Variants in RBFOX1 observed in about 807,000 individuals in gnomAD.
RBFOX1 encodes RNA binding protein fox-1 homolog 1.
In RBFOX1, 8 loss-of-function variants were observed where a neutral mutation model predicts 57.7. That is an observed-to-expected ratio of 0.14 (90% confidence interval 0.08 to 0.25). RBFOX1 has a LOEUF of 0.25. Ranked by LOEUF, RBFOX1 falls within the 10% of genes least tolerant of loss-of-function variation. RBFOX1 has a pLI of 1.00. For missense variants in RBFOX1, 611 were observed against 548.5 expected, an observed-to-expected ratio of 1.11 and a Z score of -1.14; for synonymous variants, 326 against 222.4, an observed-to-expected ratio of 1.47 and a Z score of -4.15.
chr16:7,124,175 T>G (rs142405524), intron 4 of RBFOX1, among the ~76,000 whole-genome samples: 2 of 152,318 alleles, frequency 1.3e-5, no homozygotes, highest in East Asian at 3.9e-4. Context: ...GGCTCACATC[T>G]GTAATGACAG....
intron 3 of RBFOX1, among the ~76,000 whole-genome samples, chr16:5,827,564 T>C (rs1196287804): frequency 6.6e-6 from 1 of 152,052 alleles, no homozygotes; most frequent in East Asian, 1.9e-4. Flanking sequence ...AGTAACTGTT[T>C]TAGGCTTTCT....
chr16:6,013,040 T>C (rs2094971019), intron 4 of RBFOX1, among the ~76,000 whole-genome samples: 1 of 152,136 alleles, frequency 6.6e-6, no homozygotes, highest in South Asian at 2.1e-4. Context: ...ACTATTAATA[T>C]GTTAATTATA....
intron 1 of RBFOX1, among the ~76,000 whole-genome samples, chr16:6,211,382 C>A (rs2097296993): frequency 6.6e-6 from 1 of 151,970 alleles, no homozygotes; most frequent in Non-Finnish European, 1.5e-5. Flanking sequence ...GTGCCCACCA[C>A]CACACCCGGC....
chr16:6,845,524 G>C (rs1036116874), intron 3 of RBFOX1, among the ~76,000 whole-genome samples: 1 of 152,128 alleles, frequency 6.6e-6, no homozygotes, highest in Non-Finnish European at 1.5e-5. Flanking sequence ...TCTGTGTTCT[G>C]TTCCGTTGGT....
chr16:7,710,025 C>A (rs961962286), intron 15 of RBFOX1: 1 of 1,006,586 alleles, frequency 9.9e-7, no homozygotes, highest in South Asian at 4.3e-5. Flanking sequence ...GCCATTAAAA[C>A]CATGGCCGGA....
At chr16:5,789,255 A>G (rs937523057) in intron 3 of RBFOX1, among the ~76,000 whole-genome samples, 13 of 152,184 alleles carry the variant, frequency 8.5e-5, no homozygotes, top group African/African-American at 2.9e-4. Flanking sequence ...GTATGAATTA[A>G]TTATAATTTC....
At chr16:5,592,642 T>C (rs754284334) in intron 2 of RBFOX1, among the ~76,000 whole-genome samples, 54 of 152,244 alleles carry the variant, frequency 3.5e-4, no homozygotes, top group Middle Eastern at 3.4e-3. Context: ...AAAAATCTAT[T>C]TTATTATGTT....
intron 2 of RBFOX1, among the ~76,000 whole-genome samples, chr16:5,565,284 C>A (rs1053921305): frequency 7.2e-5 from 11 of 152,050 alleles, no homozygotes; most frequent in African/African-American, 2.7e-4. Flanking sequence ...TGTGCACGTG[C>A]GTGCGTGTGT....
intron 2 of RBFOX1, among the ~76,000 whole-genome samples, chr16:6,540,060 G>T (rs1026454749): frequency 1.3e-5 from 2 of 152,170 alleles, no homozygotes; most frequent in South Asian, 2.1e-4. Flanking sequence ...AGGGCCTCAC[G>T]TGACTTGACT....
At chr16:7,094,767 T>TGTGTGG (rs2061419661) in intron 4 of RBFOX1, among the ~76,000 whole-genome samples, 1 of 140,894 alleles carries the variant, frequency 7.1e-6, no homozygotes, top group Non-Finnish European at 1.6e-5. Flanking sequence ...TGTGTGTGTG[T>TGTGTGG]GTGTGTGTGG....
chr16:7,034,781 A>G (rs942925943), intron 3 of RBFOX1, among the ~76,000 whole-genome samples: 3 of 142,158 alleles, frequency 2.1e-5, no homozygotes, highest in Admixed American at 7.1e-5. Flanking sequence ...AGAAAATGCA[A>G]TTTCTAATTC....
At chr16:6,847,202 T>A (rs951614329) in intron 3 of RBFOX1, among the ~76,000 whole-genome samples, 1 of 152,192 alleles carries the variant, frequency 6.6e-6, no homozygotes, top group East Asian at 1.9e-4. Flanking sequence ...ATATTGGTCA[T>A]TTAATACTGC....
chr16:5,643,864 C>G (rs182469189), intron 3 of RBFOX1, among the ~76,000 whole-genome samples: 1 of 152,160 alleles, frequency 6.6e-6, no homozygotes, highest in East Asian at 1.9e-4. Context: ...ACCCTGCACA[C>G]GCATAAACAG....
chr16:7,253,578 C>G (rs528996462), intron 4 of RBFOX1, among the ~76,000 whole-genome samples: 33 of 152,314 alleles, frequency 2.2e-4, no homozygotes, highest in African/African-American at 7.9e-4. Flanking sequence ...GATGTCTCCT[C>G]TGTCTGAATG....
intron 3 of RBFOX1, among the ~76,000 whole-genome samples, chr16:6,856,452 T>C (rs547614532): frequency 7.8e-4 from 119 of 152,278 alleles, no homozygotes; most frequent in African/African-American, 2.7e-3. Context: ...CAGGACCACC[T>C]GAGCCACTGA....
intron 4 of RBFOX1, among the ~76,000 whole-genome samples, chr16:5,942,298 T>C (rs938671976): frequency 9.9e-5 from 15 of 152,142 alleles, no homozygotes; most frequent in Non-Finnish European, 2.1e-4. Flanking sequence ...GTGCTGCTTA[T>C]TGGTTAGGAA....
chr16:6,530,882 C>T (rs1282525883), intron 2 of RBFOX1, among the ~76,000 whole-genome samples: 2 of 152,038 alleles, frequency 1.3e-5, no homozygotes, highest in Non-Finnish European at 2.9e-5. Context: ...AGATATAATT[C>T]AAGATGAGAT....
chr16:6,262,430 C>T (rs573574950), intron 1 of RBFOX1, among the ~76,000 whole-genome samples: 165 of 152,084 alleles, frequency 1.1e-3, no homozygotes, highest in Non-Finnish European at 1.8e-3. Flanking sequence ...AGAATTGAGT[C>T]TCTTCTTAAG....
intron 3 of RBFOX1, among the ~76,000 whole-genome samples, chr16:6,941,833 T>C (rs944040701): frequency 3.3e-5 from 5 of 152,092 alleles, no homozygotes; most frequent in South Asian, 4.2e-4. Flanking sequence ...TGCTTTTTTT[T>C]CCCCCTAACT....
Sources: allele counts gnomAD v4.1 joint callset (sites outside exome capture counted in the v4.1 genomes callset), GRCh38; gene constraint gnomAD v4.1.1; transcripts MANE v1.5; gene names NCBI Gene and HGNC (gene_info 2026-07-23, HGNC 2026-07-21).